The following PCDH11X variants were observed in gnomAD, a reference collection of about 807,000 sequenced individuals.
The protein encoded by PCDH11X is protocadherin-11 X-linked.
In PCDH11X, 18 loss-of-function variants were observed where a neutral mutation model predicts 53.3. The ratio of observed to expected loss-of-function variants is 0.34; its 90% CI spans 0.23 to 0.50. The LOEUF (loss-of-function observed/expected upper bound fraction) is 0.50. Among genes scored for constraint, PCDH11X ranks in the 20% least tolerant of loss-of-function variants. The pLI, the probability that PCDH11X is intolerant of heterozygous loss-of-function variation, is 0.98. For synonymous variants in PCDH11X, 279 were observed against 393.3 expected, an observed-to-expected ratio of 0.71 and a Z score of 3.44; for missense variants, 570 against 1,032.4, an observed-to-expected ratio of 0.55 and a Z score of 6.14.
At chrX:91,959,664 T>TTTTC (rs1240740103) in intron 6 of PCDH11X, among the ~76,000 whole-genome samples, 1 of 95,534 alleles carries the variant, frequency 1.0e-5, no homozygotes, top group Non-Finnish European at 2.1e-5. Context: ...GCATACTACA[T>TTTTC]TTTCTTTCTT....
intron 6 of PCDH11X, among the ~76,000 whole-genome samples, chrX:92,093,756 T>A (rs1293787771): frequency 9.1e-6 from 1 of 110,291 alleles, no homozygotes; most frequent in Admixed American, 9.7e-5. Flanking sequence ...GATAAATGTC[T>A]AGTGGAGCAG....
intron 8 of PCDH11X, among the ~76,000 whole-genome samples, chrX:92,267,213 C>T (rs1399093695): frequency 9.0e-6 from 1 of 111,644 alleles, no homozygotes; most frequent in African/African-American, 3.3e-5. Flanking sequence ...AGATCCCTTC[C>T]CACTTTGGCT....
chrX:92,207,978 C>T (rs1009452036), intron 7 of PCDH11X, among the ~76,000 whole-genome samples: 17 of 110,178 alleles, frequency 1.5e-4, no homozygotes, highest in Admixed American at 5.8e-4. Flanking sequence ...AGGTGGATCA[C>T]GAGATCAGGA....
intron 4 of PCDH11X, among the ~76,000 whole-genome samples, chrX:91,824,036 A>G (rs1161362841): frequency 2.7e-5 from 3 of 111,436 alleles, no homozygotes; most frequent in Non-Finnish European, 5.6e-5. Flanking sequence ...GTTTCTGCCG[A>G]GAGATCCGCT....
chrX:91,949,150 T>C (rs2061609498), intron 6 of PCDH11X, among the ~76,000 whole-genome samples: 1 of 110,687 alleles, frequency 9.0e-6, no homozygotes, highest in South Asian at 3.8e-4. Context: ...GGAATGGGTC[T>C]GTCATATTGA....
chrX:92,138,322 A>C (rs957459874), intron 6 of PCDH11X, among the ~76,000 whole-genome samples: 1 of 110,939 alleles, frequency 9.0e-6, no homozygotes, highest in Non-Finnish European at 1.9e-5. Context: ...ATAATGTTCT[A>C]TAAAGGCTTT....
intron 6 of PCDH11X, among the ~76,000 whole-genome samples, chrX:92,142,400 A>ACG (rs1335794188): frequency 5.1e-5 from 5 of 97,864 alleles, no homozygotes; most frequent in Non-Finnish European, 8.5e-5. Flanking sequence ...ACACACACAC[A>ACG]TCTACACATA....
intron 6 of PCDH11X, among the ~76,000 whole-genome samples, chrX:91,921,780 G>A (rs1235216013): frequency 9.2e-6 from 1 of 108,627 alleles, no homozygotes; most frequent in Non-Finnish European, 1.9e-5. Flanking sequence ...TCTGCTTGCT[G>A]GTTTTGTGTA....
intron 9 of PCDH11X, among the ~76,000 whole-genome samples, chrX:92,465,009 A>ATAG (rs1372271996): frequency 1.8e-5 from 2 of 110,896 alleles, no homozygotes; most frequent in Non-Finnish European, 1.9e-5. Context: ...TGCATATGCT[A>ATAG]GTCCATGCTA....
chrX:92,435,054 A>G (rs1487444423), intron 9 of PCDH11X, among the ~76,000 whole-genome samples: 1 of 110,962 alleles, frequency 9.0e-6, no homozygotes, highest in Non-Finnish European at 1.9e-5. Context: ...GATAAGAACA[A>G]AGATCACTGA....
intron 5 of PCDH11X, among the ~76,000 whole-genome samples, chrX:91,856,433 A>G (rs1410047203): frequency 9.0e-6 from 1 of 110,598 alleles, no homozygotes; most frequent in Non-Finnish European, 1.9e-5. Context: ...AATAGTCATC[A>G]GAGATATTTG....
chrX:91,968,252 T>G (rs752404653), intron 6 of PCDH11X, among the ~76,000 whole-genome samples: 26 of 111,780 alleles, frequency 2.3e-4, no homozygotes, highest in Admixed American at 2.0e-3. Context: ...TTTCCTTCTG[T>G]GCTGTTTTAA....
chrX:92,513,161 T>C (rs2074193792), intron 10 of PCDH11X, among the ~76,000 whole-genome samples: 1 of 110,744 alleles, frequency 9.0e-6, no homozygotes, highest in Non-Finnish European at 1.9e-5. Context: ...CGAACAAAAG[T>C]GGTAACTCAA....
chrX:92,186,023 A>C (rs1216488028), intron 6 of PCDH11X, among the ~76,000 whole-genome samples: 1 of 111,675 alleles, frequency 9.0e-6, no homozygotes, highest in Non-Finnish European at 1.9e-5. Flanking sequence ...ATCCAAAGGA[A>C]AGGAAGTCAG....
intron 6 of PCDH11X, among the ~76,000 whole-genome samples, chrX:92,166,258 GATATA>G (rs1234458498): frequency 9.5e-6 from 1 of 104,979 alleles, no homozygotes; most frequent in Non-Finnish European, 1.9e-5. Context: ...TCTGTTTGTT[GATATA>G]ATTTTTTATC....
intron 6 of PCDH11X, among the ~76,000 whole-genome samples, chrX:92,101,938 T>C (rs1395076139): frequency 1.8e-5 from 2 of 111,963 alleles, no homozygotes; most frequent in African/African-American, 6.5e-5. Flanking sequence ...TGGCTTGTAC[T>C]ATAGCATAGC....
At chrX:92,210,615 T>C (rs1432038056) in intron 7 of PCDH11X, among the ~76,000 whole-genome samples, 3 of 111,700 alleles carry the variant, frequency 2.7e-5, no homozygotes, top group African/African-American at 9.8e-5. Flanking sequence ...ACTTCCATTT[T>C]AAAATATAAG....
intron 8 of PCDH11X, among the ~76,000 whole-genome samples, chrX:92,335,499 G>A (rs953456448): frequency 1.8e-5 from 2 of 108,913 alleles, no homozygotes; most frequent in South Asian, 4.1e-4. Context: ...TATTTATCTC[G>A]AATGGGCTTT....
At chrX:92,383,660 C>T (rs1187995161) in intron 8 of PCDH11X, among the ~76,000 whole-genome samples, 2 of 111,574 alleles carry the variant, frequency 1.8e-5, no homozygotes, top group Non-Finnish European at 3.8e-5. Context: ...TGAACTCATC[C>T]TCTTTTATGG....
Sources: allele counts gnomAD v4.1 joint callset (sites outside exome capture counted in the v4.1 genomes callset), GRCh38; gene constraint gnomAD v4.1.1; transcripts MANE v1.5; gene names NCBI Gene and HGNC (gene_info 2026-07-23, HGNC 2026-07-21).